UNC5D: variants seen among roughly 807,000 people sequenced by gnomAD.
UNC5D encodes the protein unc-5 netrin receptor D.
A neutral mutation model predicts 105.4 loss-of-function variants in UNC5D; 39 were observed. The observed-to-expected ratio is 0.37, with a 90% CI of 0.29 to 0.48. UNC5D has a LOEUF of 0.48. Among genes scored for constraint, UNC5D ranks in the 20% least tolerant of loss-of-function variants. The pLI is 0.98. For synonymous variants in UNC5D, 452 were observed against 450.4 expected, an observed-to-expected ratio of 1.00 and a Z score of -0.04; for missense variants, 991 against 1,202.4, an observed-to-expected ratio of 0.82 and a Z score of 2.60.
At chr8:35,726,742 C>T (rs898939878) in intron 10 of UNC5D, 83 of 709,486 alleles carry the variant, frequency 1.2e-4, no homozygotes, top group Non-Finnish European at 1.8e-4. Flanking sequence ...GGATTGAATG[C>T]TCCCTTTGAT....
chr8:35,623,648 G>A (rs1821503732), intron 4 of UNC5D, among the ~76,000 whole-genome samples: 2 of 152,062 alleles, frequency 1.3e-5, no homozygotes, highest in South Asian at 2.1e-4. Context: ...GACAAGTGTT[G>A]CCAACTTTTA....
At chr8:35,399,183 C>T (rs984602858) in intron 1 of UNC5D, among the ~76,000 whole-genome samples, 2 of 150,102 alleles carry the variant, frequency 1.3e-5, no homozygotes, top group African/African-American at 4.9e-5. Flanking sequence ...TCTACATAAC[C>T]ATTAATTCCT....
At chr8:35,501,697 G>A (rs886083846) in intron 1 of UNC5D, among the ~76,000 whole-genome samples, 3 of 152,138 alleles carry the variant, frequency 2.0e-5, no homozygotes, top group African/African-American at 7.2e-5. Flanking sequence ...TGATATAAAG[G>A]ATTTGCATTC....
At chr8:35,374,645 A>T (rs1376568580) in intron 1 of UNC5D, among the ~76,000 whole-genome samples, 3 of 152,182 alleles carry the variant, frequency 2.0e-5, no homozygotes, top group Non-Finnish European at 1.5e-5. Context: ...AAAAGGACAC[A>T]CTAAATTCCC....
At chr8:35,269,808 C>T (rs1006525712) in intron 1 of UNC5D, among the ~76,000 whole-genome samples, 1 of 152,048 alleles carries the variant, frequency 6.6e-6, no homozygotes, top group African/African-American at 2.4e-5. Flanking sequence ...ACTATGTTTA[C>T]AGGGATTAAG....
chr8:35,734,796 T>TTTTTTTTG (rs1242006536), intron 11 of UNC5D, among the ~76,000 whole-genome samples: 1 of 150,908 alleles, frequency 6.6e-6, no homozygotes, highest in African/African-American at 2.5e-5. Flanking sequence ...TTTTTTTTTT[T>TTTTTTTTG]TTTTGAGACG....
chr8:35,705,899 A>G (rs1448897657), intron 7 of UNC5D, 30 bp from the exon 8 acceptor site: 1 of 1,306,358 alleles, frequency 7.7e-7, no homozygotes, highest in Non-Finnish European at 1.1e-6. Flanking sequence ...ATTAAATGCA[A>G]CTTTCTTTTT....
intron 1 of UNC5D, among the ~76,000 whole-genome samples, chr8:35,451,754 A>T (rs1182665773): frequency 6.6e-6 from 1 of 152,060 alleles, no homozygotes. Flanking sequence ...CTTGTTGCTG[A>T]ATGTTTCTAG....
chr8:35,527,466 C>T (rs745411680), intron 1 of UNC5D, among the ~76,000 whole-genome samples: 1 of 152,148 alleles, frequency 6.6e-6, no homozygotes, highest in Non-Finnish European at 1.5e-5. Context: ...AGCCAGCTTC[C>T]TTGTTAGCAG....
chr8:35,660,235 T>C (rs1310462901), intron 4 of UNC5D, among the ~76,000 whole-genome samples: 1 of 152,202 alleles, frequency 6.6e-6, no homozygotes, highest in Non-Finnish European at 1.5e-5. Context: ...AGGTGAAACA[T>C]GAATCTAGAA....
In UNC5D at chr8:35,683,469, C is replaced by T. The variant is rs867199678; in HGVS notation, c.571-78C>T. The T allele has an allele frequency of 6.0e-5, 86 of 1,444,146 alleles. 5 individuals are homozygous for T. The Middle Eastern group carries it at 6.5e-3, about 109-fold the overall frequency. The allele number at this position is 1,444,146 out of a possible 1,614,324, so 89.5% of individuals were successfully genotyped here. ...TTTAGATACATCTCTCTCCCACACC[C>T]GAATCTGCTCACTTTTCAATTCCAG... On this transcript the variant is annotated intron_variant, in intron 4 of 16. Transcript: ENST00000404895.
chr8:35,319,942 A>G (rs989076478), intron 1 of UNC5D, among the ~76,000 whole-genome samples: 2 of 152,122 alleles, frequency 1.3e-5, no homozygotes, highest in African/African-American at 2.4e-5. Flanking sequence ...GCCTCTTGCC[A>G]TGTAGTCTCT....
rs1247739473 is a variant in UNC5D at position 35,726,170 on chromosome 8, A to C, written c.1322A>C (p.Asn441Thr). 1 of 1,609,528 alleles carries C rather than the reference A, an allele frequency of 6.2e-7. No homozygotes were observed. Among genetic ancestry groups the C allele is most frequent in the South Asian group, 1.1e-5 (1 of 91,004 alleles). Residue 441 changes from asparagine to threonine, a missense_variant, in exon 10 of 17, where the codon AAT (asparagine) becomes ACT (threonine). By Grantham distance (65) the Asn-to-Thr change is moderately conservative. Coordinates refer to ENST00000404895, the MANE Select transcript of UNC5D (RefSeq NM_080872.4). ...TVRQGNSLLL[N>T]SAMQPDLTVS... ...TTACCAGGTAACTCCCTGCTCCTGA[A>C]TTCTGCCATGCAGCCAGATCTGACA...
At chr8:35,419,303 C>G (rs575677874) in intron 1 of UNC5D, among the ~76,000 whole-genome samples, 1 of 152,188 alleles carries the variant, frequency 6.6e-6, no homozygotes, top group Non-Finnish European at 1.5e-5. Flanking sequence ...CCAGGCTTCA[C>G]TCAGCTCCAG....
chr8:35,682,164 C>A (rs1395857770), intron 4 of UNC5D, among the ~76,000 whole-genome samples: 3 of 152,250 alleles, frequency 2.0e-5, no homozygotes, highest in East Asian at 3.9e-4. Flanking sequence ...AGGGTTTCAC[C>A]ATGTTGGTCA....
chr8:35,336,257 GT>G (rs1563323771), intron 1 of UNC5D, among the ~76,000 whole-genome samples: 1 of 152,118 alleles, frequency 6.6e-6, no homozygotes, highest in African/African-American at 2.4e-5. Flanking sequence ...GCTAAAACCA[GT>G]TTCTTTATTA....
intron 1 of UNC5D, among the ~76,000 whole-genome samples, chr8:35,236,831 C>T (rs1802503759): frequency 6.6e-6 from 1 of 152,162 alleles, no homozygotes; most frequent in African/African-American, 2.4e-5. Flanking sequence ...TTTGCCTTCC[C>T]GCCCTTCTTT....
Position 35,693,974 on chromosome 8 carries a change from G to C in UNC5D, c.1084+7265G>C, listed in dbSNP as rs574558660. 2.0e-5 allele frequency among the ~76,000 whole-genome samples: 3 copies of C among 152,000 alleles called. 1 individual carries two copies. The East Asian group carries it at 5.8e-4, about 29-fold the overall frequency. On this transcript the variant is annotated intron_variant, in intron 7 of 16. Transcript: ENST00000404895. ...GGAGAGCAGGATGCATGTACCTCAA[G>C]GTCATATTACTTAGAGAGCGAGGAA... is the stretch of plus-strand genomic sequence containing the variant.
At chr8:35,669,092 G>C (rs1050656374) in intron 4 of UNC5D, among the ~76,000 whole-genome samples, 2 of 152,012 alleles carry the variant, frequency 1.3e-5, no homozygotes, top group Non-Finnish European at 2.9e-5. Flanking sequence ...GTTTCTGATA[G>C]AATGTATGCT....
Sources: allele counts gnomAD v4.1 joint callset (sites outside exome capture counted in the v4.1 genomes callset), GRCh38; gene constraint gnomAD v4.1.1; transcripts MANE v1.5; gene names NCBI Gene and HGNC (gene_info 2026-07-23, HGNC 2026-07-21).